ELK3: variants seen among roughly 807,000 people sequenced by gnomAD.
The protein encoded by ELK3 is ETS domain-containing protein Elk-3.
In ELK3, 10 loss-of-function variants were observed where a neutral mutation model predicts 28.9. That is an observed-to-expected ratio of 0.35 (90% CI 0.21 to 0.59). The LOEUF (loss-of-function observed/expected upper bound fraction) is 0.59. Ranked by LOEUF, ELK3 falls within the 20% of genes least tolerant of loss-of-function variation. The pLI is 0.82. For synonymous variants in ELK3, 272 were observed against 243.5 expected (o/e 1.12, Z -1.09); for missense variants, 463 against 517.3 (o/e 0.90, Z 1.02).
At chr12:96,207,574 G>A (rs538987448) in intron 1 of ELK3, among the ~76,000 whole-genome samples, 5 of 152,322 alleles carry the variant, frequency 3.3e-5, no homozygotes, top group South Asian at 2.1e-4. Context: ...AGAAGAGCAC[G>A]AAGGAAAAAC....
Position 96,224,150 on chromosome 12 carries a change from G to A in ELK3, c.207+377G>A, listed in dbSNP as rs544429732. On this transcript the variant is annotated intron_variant, in intron 2 of 4. Coordinates refer to ENST00000228741, the MANE Select transcript of ELK3 (RefSeq NM_005230.4). ...TGTCTGGTTTGTGGTTCAATTAAAG[G>A]GACCTTTCCTGGAAGGTGGTAGCTT... 5.3e-5 allele frequency among the ~76,000 whole-genome samples: 8 copies of A among 152,282 alleles called. No individual in the cohort carries two copies. In the South Asian group the frequency reaches 1.0e-3, roughly 20 times the overall value.
intron 3 of ELK3, among the ~76,000 whole-genome samples, chr12:96,254,676 G>A (rs1951934094): frequency 6.6e-6 from 1 of 152,024 alleles, no homozygotes; most frequent in African/African-American, 2.4e-5. Context: ...CTGATAGTTA[G>A]GAGCTCATAA....
chr12:96,264,218 C>T (rs1184492892), intron 4 of ELK3, among the ~76,000 whole-genome samples: 1 of 152,080 alleles, frequency 6.6e-6, no homozygotes, highest in Admixed American at 6.5e-5. Context: ...CTCCTGGGCT[C>T]GAGCAGTCCT....
intron 1 of ELK3, among the ~76,000 whole-genome samples, chr12:96,218,791 G>A (rs1951640129): frequency 6.6e-6 from 1 of 151,860 alleles, no homozygotes; most frequent in African/African-American, 2.4e-5. Context: ...TGGGACCACA[G>A]GCGCCCGCCA....
At chr12:96,258,334 C>A (rs1217849596) in intron 3 of ELK3, among the ~76,000 whole-genome samples, 1 of 152,174 alleles carries the variant, frequency 6.6e-6, no homozygotes, top group Non-Finnish European at 1.5e-5. Flanking sequence ...GCCATGGAAC[C>A]AACGACTCAA....
intron 2 of ELK3, among the ~76,000 whole-genome samples, chr12:96,225,254 C>A (rs769777500): frequency 2.0e-5 from 3 of 152,158 alleles, no homozygotes; most frequent in Non-Finnish European, 4.4e-5. Flanking sequence ...TCATTGTTTT[C>A]AATCAAGGTA....
chr12:96,243,356 G>A (rs559799098), intron 2 of ELK3, among the ~76,000 whole-genome samples: 1 of 152,188 alleles, frequency 6.6e-6, no homozygotes, highest in Admixed American at 6.5e-5. Context: ...CATGATTCTG[G>A]ACATTTCATA....
intron 2 of ELK3, among the ~76,000 whole-genome samples, chr12:96,244,638 G>A (rs1951844124): frequency 6.6e-6 from 1 of 151,046 alleles, no homozygotes. Context: ...ACTCGCTGAG[G>A]GAAAAAAATA....
chr12:96,229,593 A>G (rs1257933955), intron 2 of ELK3, among the ~76,000 whole-genome samples: 1 of 126,770 alleles, frequency 7.9e-6, no homozygotes, highest in Non-Finnish European at 1.6e-5. Flanking sequence ...GTGCAATGGC[A>G]TGGTCTCAGC....
At chr12:96,214,666 C>T (rs1951597961) in intron 1 of ELK3, among the ~76,000 whole-genome samples, 1 of 151,976 alleles carries the variant, frequency 6.6e-6, no homozygotes, top group Non-Finnish European at 1.5e-5. Flanking sequence ...ATTTAAATGT[C>T]CTTTGAAAAT....
At chr12:96,250,964 C>G (rs1199732724) in intron 3 of ELK3, among the ~76,000 whole-genome samples, 1 of 152,176 alleles carries the variant, frequency 6.6e-6, no homozygotes, top group Non-Finnish European at 1.5e-5. Context: ...TACCTTATCA[C>G]ACCTCATACA....
At chr12:96,260,146 T>G (rs931395341) in intron 4 of ELK3, among the ~76,000 whole-genome samples, 4 of 152,180 alleles carry the variant, frequency 2.6e-5, no homozygotes, top group Admixed American at 6.5e-5. Context: ...AGGCAAAACT[T>G]TAAGAATTAT....
At chr12:96,234,998 G>A (rs1164790799) in intron 2 of ELK3, among the ~76,000 whole-genome samples, 1 of 152,156 alleles carries the variant, frequency 6.6e-6, no homozygotes, top group African/African-American at 2.4e-5. Context: ...AAAAACTGCT[G>A]GCAAGATTAT....
intron 1 of ELK3, among the ~76,000 whole-genome samples, chr12:96,221,143 G>T (rs778537639): frequency 2.0e-5 from 3 of 152,094 alleles, no homozygotes; most frequent in South Asian, 2.1e-4. Context: ...CCAGTGCAGG[G>T]CTACACAGTC....
At position 96,246,513 on chromosome 12, in the gene ELK3, T is replaced by C. The variant is rs139654857; in HGVS notation, c.208-427T>C. Among the ~76,000 whole-genome samples, 280 of 152,158 alleles carry C rather than the reference T, an allele frequency of 1.8e-3. 1 individual carries two copies. Among genetic ancestry groups the C allele is most frequent in the African/African-American group, 6.1e-3 (252 of 41,518 alleles). ...CCACAAAAAATAAAAATGTAAAAAT[T>C]AGCAGGGTGTGGTGGCATGTACCTG... On this transcript the variant is annotated intron_variant, in intron 2 of 4. Transcript: ENST00000228741.
intron 2 of ELK3, among the ~76,000 whole-genome samples, chr12:96,243,759 C>T (rs543600816): frequency 6.6e-6 from 1 of 151,666 alleles, no homozygotes; most frequent in East Asian, 1.9e-4. Flanking sequence ...AGGAGAATGG[C>T]GTGAATCAGG....
intron 1 of ELK3, among the ~76,000 whole-genome samples, chr12:96,203,338 G>A (rs897049171): frequency 1.3e-5 from 2 of 152,194 alleles, no homozygotes; most frequent in African/African-American, 4.8e-5. Context: ...GGTCCCATTC[G>A]ATTTGGATAT....
intron 3 of ELK3, among the ~76,000 whole-genome samples, chr12:96,257,241 T>C (rs1474149519): frequency 6.6e-6 from 1 of 152,192 alleles, no homozygotes; most frequent in Non-Finnish European, 1.5e-5. Flanking sequence ...GGAACTTTCC[T>C]TAAAAAAGCA....
intron 1 of ELK3, among the ~76,000 whole-genome samples, chr12:96,208,117 T>C (rs945717481): frequency 2.6e-5 from 4 of 152,156 alleles, no homozygotes; most frequent in Non-Finnish European, 5.9e-5. Context: ...AGTGGCATGA[T>C]CTTGGCTCAC....
Sources: allele counts gnomAD v4.1 joint callset (sites outside exome capture counted in the v4.1 genomes callset), GRCh38; gene constraint gnomAD v4.1.1; transcripts MANE v1.5; gene names NCBI Gene and HGNC (gene_info 2026-07-23, HGNC 2026-07-21).